Variants in BRD10 observed in about 807,000 individuals in gnomAD.
BRD10 encodes bromodomain containing 10.
chr9:5,921,505 T>G, the BRD10 span: 32 of 1,613,828 alleles, frequency 2.0e-5, no homozygotes, highest in Admixed American at 5.0e-5. Flanking sequence ...CACCTGTAGA[T>G]GTCAGCGCAG....
the BRD10 span, among the ~76,000 whole-genome samples, chr9:5,951,125 G>A: frequency 2.0e-5 from 3 of 150,568 alleles, no homozygotes; most frequent in East Asian, 5.9e-4. Context: ...CCATTTGAAT[G>A]CTCACAGTGT....
the BRD10 span, among the ~76,000 whole-genome samples, chr9:5,944,378 G>A: frequency 1.3e-5 from 2 of 150,998 alleles, no homozygotes; most frequent in Non-Finnish European, 2.9e-5. Context: ...AGACGATATA[G>A]TGAAAGTTAA....
the BRD10 span, among the ~76,000 whole-genome samples, chr9:5,978,077 T>G: frequency 6.6e-6 from 1 of 152,280 alleles, no homozygotes; most frequent in East Asian, 1.9e-4. Flanking sequence ...ACAGGGTACA[T>G]AAACAATACT....
the BRD10 span, among the ~76,000 whole-genome samples, chr9:5,880,824 C>G: frequency 6.6e-6 from 1 of 151,988 alleles, no homozygotes; most frequent in Admixed American, 6.5e-5. Context: ...CCTGCGTCAG[C>G]CTCCTGAGTA....
At chr9:5,978,551 C>T in the BRD10 span, among the ~76,000 whole-genome samples, 2 of 152,128 alleles carry the variant, frequency 1.3e-5, no homozygotes, top group African/African-American at 4.8e-5. Context: ...GTCCATCAGT[C>T]AACCTTCTTA....
the BRD10 span, among the ~76,000 whole-genome samples, chr9:6,006,135 C>A: frequency 6.6e-6 from 1 of 152,202 alleles, no homozygotes; most frequent in African/African-American, 2.4e-5. Context: ...TATTATTCAA[C>A]GACTGCTACT....
chr9:5,942,351 T>C, the BRD10 span, among the ~76,000 whole-genome samples: 5 of 152,272 alleles, frequency 3.3e-5, no homozygotes, highest in East Asian at 3.9e-4. Context: ...TATCTAGAAA[T>C]TCAGTTAAGT....
At chr9:5,950,411 C>T in the BRD10 span, among the ~76,000 whole-genome samples, 3 of 152,158 alleles carry the variant, frequency 2.0e-5, no homozygotes, top group African/African-American at 7.2e-5. Flanking sequence ...CCCCACTGTA[C>T]AAATGAGAAA....
chr9:5,892,949 C>A, the BRD10 span, among the ~76,000 whole-genome samples: 2 of 152,126 alleles, frequency 1.3e-5, no homozygotes, highest in African/African-American at 4.8e-5. Flanking sequence ...GCCAAGGAGC[C>A]AGTAAGGATG....
the BRD10 span, among the ~76,000 whole-genome samples, chr9:5,961,599 G>A: frequency 5.9e-5 from 9 of 151,804 alleles, no homozygotes; most frequent in African/African-American, 9.7e-5. Context: ...ATTTCTAATC[G>A]CCAGGACATA....
chr9:5,955,457 A>G, the BRD10 span, among the ~76,000 whole-genome samples: 1 of 152,310 alleles, frequency 6.6e-6, no homozygotes, highest in South Asian at 2.1e-4. Flanking sequence ...GCTCCTTTCC[A>G]AACATTTTCC....
At chr9:5,886,680 C>T in the BRD10 span, among the ~76,000 whole-genome samples, 44 of 152,268 alleles carry the variant, frequency 2.9e-4, no homozygotes, top group East Asian at 8.5e-3. Flanking sequence ...GCAGGTAGGG[C>T]CTGACTTGGG....
the BRD10 span, among the ~76,000 whole-genome samples, chr9:5,912,581 G>C: frequency 6.6e-6 from 1 of 152,150 alleles, no homozygotes; most frequent in East Asian, 1.9e-4. Context: ...TAACAGCCTG[G>C]ACTGACTTAA....
At chr9:5,966,455 C>CTTTTTTTTT in the BRD10 span, among the ~76,000 whole-genome samples, 41 of 83,768 alleles carry the variant, frequency 4.9e-4, no homozygotes, top group Non-Finnish European at 6.9e-4. Flanking sequence ...CTAACATTTC[C>CTTTTTTTTT]TTTTTTTTTT....
chr9:5,943,558 A>AC, the BRD10 span, among the ~76,000 whole-genome samples: 2 of 151,960 alleles, frequency 1.3e-5, no homozygotes, highest in African/African-American at 4.8e-5. Flanking sequence ...AAAAAAAAAA[A>AC]AACCCTCTGG....
At chr9:5,904,976 T>C in the BRD10 span, among the ~76,000 whole-genome samples, 1 of 152,202 alleles carries the variant, frequency 6.6e-6, no homozygotes, top group Admixed American at 6.5e-5. Flanking sequence ...CATTTCACTG[T>C]GTTAGCCAGG....
chr9:5,920,950 G>A, the BRD10 span: 1 of 1,613,898 alleles, frequency 6.2e-7, no homozygotes, highest in Non-Finnish European at 8.5e-7. Flanking sequence ...CATTTCCACT[G>A]ACTAAAACAG....
chr9:5,910,230 A>C, the BRD10 span: 3 of 152,222 alleles, frequency 2.0e-5, no homozygotes, highest in African/African-American at 7.2e-5. Context: ...TGAGTCAGTA[A>C]ACCACCTAAA....
At chr9:5,920,595 C>T in the BRD10 span, 2 of 1,613,820 alleles carry the variant, frequency 1.2e-6, no homozygotes, top group Non-Finnish European at 1.7e-6. Flanking sequence ...TTTGTGTTTA[C>T]ATTTGTTGGC....
Sources: allele counts gnomAD v4.1 joint callset (sites outside exome capture counted in the v4.1 genomes callset), GRCh38; gene constraint gnomAD v4.1.1; transcripts MANE v1.5; gene names NCBI Gene and HGNC (gene_info 2026-07-23, HGNC 2026-07-21).